The following PCNX2 variants were observed in gnomAD, a reference collection of about 807,000 sequenced individuals.
The protein encoded by PCNX2 is pecanex-like protein 2.
Under a neutral mutation model 223.8 loss-of-function variants are expected in PCNX2, and 168 were observed. The observed-to-expected ratio is 0.75, with a 90% CI of 0.66 to 0.85. The LOEUF is 0.85. Ranked by LOEUF, PCNX2 falls within the 40% of genes least tolerant of loss-of-function variation. PCNX2 has a pLI of 0.00. For missense variants in PCNX2, 2,507 were observed against 2,675.5 expected (o/e 0.94, Z 1.39); for synonymous variants, 1,006 against 1,052.6 (o/e 0.96, Z 0.86).
intron 19 of PCNX2, among the ~76,000 whole-genome samples, chr1:233,146,477 ACAGTT>A (rs1571965654): frequency 6.6e-6 from 1 of 152,244 alleles, no homozygotes; most frequent in Non-Finnish European, 1.5e-5. Context: ...ACAATCAGTT[ACAGTT>A]AAGTTTCTTT....
Position 233,263,004 on chromosome 1 carries a change from C to A in PCNX2, c.313G>T (p.Asp105Tyr). Residue 105 changes from aspartate (D) to tyrosine (Y), a missense_variant, in exon 2 of 34, where the codon GAC becomes TAC. By Grantham distance (160) the Asp-to-Tyr change is radical (BLOSUM62 -3). Coordinates refer to ENST00000258229, the MANE Select transcript of PCNX2 (RefSeq NM_014801.4). ...ATGTGTTCACCTTTGGCCTCCTTGT[C>A]TTTATTTGGCTTTTCTTCCTTTCTG... ...PSRKEEKPNK[D>Y]KEAKGEHITN... 2 of 1,613,686 alleles carry A rather than the reference C, an allele frequency of 1.2e-6. No homozygotes were observed. The highest frequency in any genetic ancestry group is 2.7e-5 in the African/African-American group (2 of 75,026).
chr1:233,239,938 T>G (rs58374998), intron 8 of PCNX2, among the ~76,000 whole-genome samples: 12,607 of 152,252 alleles, frequency 0.083, 1,349 homozygotes, highest in African/African-American at 0.25. Context: ...TCCCTCTTAA[T>G]TAACCTCTTT....
chr1:233,040,993 G>A (rs181737677), intron 25 of PCNX2, among the ~76,000 whole-genome samples: 2 of 152,128 alleles, frequency 1.3e-5, no homozygotes, highest in East Asian at 1.9e-4. Context: ...CCAGATCCAC[G>A]ATTCATTAGT....
At chr1:233,163,925 T>A (rs143341828) in intron 17 of PCNX2, among the ~76,000 whole-genome samples, 3 of 152,178 alleles carry the variant, frequency 2.0e-5, no homozygotes, top group Non-Finnish European at 4.4e-5. Flanking sequence ...CCACAATGTG[T>A]TTATCTGTTC....
At chr1:233,119,684 A>C (rs1348761418) in intron 21 of PCNX2, among the ~76,000 whole-genome samples, 1 of 152,106 alleles carries the variant, frequency 6.6e-6, no homozygotes, top group Non-Finnish European at 1.5e-5. Context: ...CTTGGGGTCT[A>C]GAACCAGGCA....
At position 233,090,135 on chromosome 1, in the gene PCNX2, C is replaced by T. The variant is rs1296424439; in HGVS notation, c.4002G>A (p.Leu1334=). 6.2e-7 allele frequency: 1 copy of T among 1,613,416 alleles called. No individual in the cohort carries two copies. The highest frequency in any genetic ancestry group is 8.5e-7 in the Non-Finnish European group (1 of 1,179,734). The part of the protein sequence containing the change: ...TIATSIFSTP[L]SPFLGSVIFI... ...AAATGACACTCCCAAGAAATGGGCT[C>T]AATGGGGTAGAAAAGATTGATGTGG... Residue 1334 remains leucine, a synonymous_variant, in exon 23 of 34, where the codon TTG becomes TTA. Coordinates refer to ENST00000258229, the MANE Select transcript of PCNX2 (RefSeq NM_014801.4).
chr1:233,300,355 A>G (rs978277515), upstream of PCNX2, among the ~76,000 whole-genome samples: 3 of 152,232 alleles, frequency 2.0e-5, no homozygotes, highest in African/African-American at 7.2e-5. Context: ...AAGTTGAAAT[A>G]TTATGCAATT....
chr1:233,200,245 A>G lies in PCNX2; in HGVS notation c.2883T>C (p.Pro961=). Residue 961 remains proline, a synonymous_variant, in exon 14 of 34, where the codon CCT becomes CCC. Coordinates refer to ENST00000258229, the MANE Select transcript of PCNX2 (RefSeq NM_014801.4). ...DYLIVFLYCF[P]AISLLGLFPQ... ...GGAAGAGCCCAAGGAGGGAAATAGCAGGGAAGCAATATAAAAATACTGAAA... is the reference window on the plus strand; with the variant it reads ...GGAAGAGCCCAAGGAGGGAAATAGCGGGGAAGCAATATAAAAATACTGAAA... 1 of 1,580,420 alleles carries G rather than the reference A, an allele frequency of 6.3e-7. No homozygotes were observed. Among genetic ancestry groups the G allele is most frequent in the Non-Finnish European group, 8.6e-7 (1 of 1,161,994 alleles).
At chr1:233,263,305 T>C in intron 1 of PCNX2, 142 bp from the exon 2 acceptor site, 2 of 734,764 alleles carry the variant, frequency 2.7e-6, no homozygotes, top group South Asian at 5.0e-5. Context: ...GTTTTCCTGG[T>C]TAAAATACTT....
intron 15 of PCNX2, among the ~76,000 whole-genome samples, chr1:233,195,300 T>C (rs1323761726): frequency 1.3e-5 from 2 of 152,128 alleles, no homozygotes; most frequent in Admixed American, 1.3e-4. Context: ...AAATTAGAAA[T>C]CTAAGGGAAA....
Position 233,139,048 on chromosome 1 carries a change from T to A in PCNX2, c.3659+666A>T, listed in dbSNP as rs1162578372. Among the ~76,000 whole-genome samples the A allele has an allele frequency of 1.3e-5, 2 of 152,254 alleles. No homozygotes were observed. The highest frequency in any genetic ancestry group is 4.8e-5 in the African/African-American group (2 of 41,470). Reference sequence around the variant, plus strand: ...CAAATCTGGGAAAGAATCTCTTTTATATCCTCCTACTCTAACAACTTCTTT... The same window carrying A: ...CAAATCTGGGAAAGAATCTCTTTTAAATCCTCCTACTCTAACAACTTCTTT... On this transcript the variant is annotated intron_variant, in intron 20 of 33. Coordinates refer to ENST00000258229, the MANE Select transcript of PCNX2 (RefSeq NM_014801.4). This position sits in a 1 kb window ranked among gnomAD's most constrained non-coding sequence, Gnocchi z 4.4.
chr1:233,226,938 C>T (rs563406624), intron 10 of PCNX2, among the ~76,000 whole-genome samples: 6 of 152,230 alleles, frequency 3.9e-5, no homozygotes, highest in Non-Finnish European at 7.4e-5. Flanking sequence ...AAATACAAAC[C>T]ATTTCTTATT....
At chr1:233,207,316 G>A (rs1399609071) in intron 13 of PCNX2, among the ~76,000 whole-genome samples, 1 of 152,186 alleles carries the variant, frequency 6.6e-6, no homozygotes, top group Non-Finnish European at 1.5e-5. Flanking sequence ...AAAGGATGAT[G>A]TGGGACCAAA....
At chr1:233,291,167 C>CAGTCATCTATAGTCAGTGG in intron 1 of PCNX2, 1 of 890,102 alleles carries the variant, frequency 1.1e-6, no homozygotes, top group Non-Finnish European at 1.3e-6. Flanking sequence ...GATTTTACCA[C>CAGTCATCTATAGTCAGTGG]TGACTATAGA....
In PCNX2 at chr1:233,070,205, A is replaced by T. The variant is rs555157600; in HGVS notation, c.4077-12915T>A. ...TAAAAGCCCTGTAACTATTAACGCC[A>T]TTTAATTAGTAACTTAGAAACTCCC... On this transcript the variant is annotated intron_variant, in intron 23 of 33. Transcript: ENST00000258229. 3.3e-5 allele frequency among the ~76,000 whole-genome samples: 5 copies of T among 152,298 alleles called. No homozygotes were observed. The South Asian group carries it at 1.0e-3, about 32-fold the overall frequency.
In PCNX2 at chr1:233,078,765, T is replaced by C. The variant is rs533774310; in HGVS notation, c.4076+11296A>G. Among the ~76,000 whole-genome samples the C allele has an allele frequency of 7.2e-5, 11 of 152,326 alleles. No homozygotes were observed. In the South Asian group the frequency reaches 2.3e-3, roughly 32 times the overall value. ...TGCTCAGCAAAAACTAACAGGACCCTGAGTAAAATTATGCACAACAGCACA... is the reference window on the plus strand; with the variant it reads ...TGCTCAGCAAAAACTAACAGGACCCCGAGTAAAATTATGCACAACAGCACA... On this transcript the variant is annotated intron_variant, in intron 23 of 33. Transcript: ENST00000258229.
In PCNX2 at chr1:233,017,169, C is replaced by CAAGATTTTGAGT. The variant is rs1558165220; in HGVS notation, c.4606-16_4606-15insACTCAAAATCTT. ...TATATTATACTCTGCAGAGAAAAAGCCAGGAAGATTTTATTTATTAATTTA... is the reference window on the plus strand; with the variant it reads ...TATATTATACTCTGCAGAGAAAAAGCAAGATTTTGAGTCAGGAAGATTTTATTTATTAATTTA... On this transcript the variant is annotated splice_polypyrimidine_tract_variant and intron_variant, in intron 26 of 33. Transcript: ENST00000258229. 2 of 1,534,478 alleles carry CAAGATTTTGAGT rather than the reference C, an allele frequency of 1.3e-6. No homozygotes were observed. The highest frequency in any genetic ancestry group is 1.8e-6 in the Non-Finnish European group (2 of 1,119,622).
chr1:233,034,753 C>G (rs749044514), intron 25 of PCNX2, among the ~76,000 whole-genome samples: 1 of 151,960 alleles, frequency 6.6e-6, no homozygotes, highest in Non-Finnish European at 1.5e-5. Flanking sequence ...TTTTTTGCAT[C>G]CCAAAAGGCC....
At chr1:233,243,153 G>A (rs1043475153) in intron 8 of PCNX2, among the ~76,000 whole-genome samples, 6 of 152,126 alleles carry the variant, frequency 3.9e-5, no homozygotes, top group African/African-American at 1.4e-4. Flanking sequence ...TTTCCTTCAG[G>A]AATCCCCAAA....
Sources: allele counts gnomAD v4.1 joint callset (sites outside exome capture counted in the v4.1 genomes callset), GRCh38; gene constraint gnomAD v4.1.1; non-coding constraint Gnocchi (gnomAD v3.1); transcripts MANE v1.5; gene names NCBI Gene and HGNC (gene_info 2026-07-23, HGNC 2026-07-21).